The following FMN1 variants were observed in gnomAD, a reference collection of about 807,000 sequenced individuals.
FMN1 encodes the protein formin-1.
FMN1 carries 110 observed loss-of-function variants against 132.4 expected under a neutral mutation model. That is an observed-to-expected ratio of 0.83 (90% confidence interval 0.71 to 0.97). The LOEUF is 0.97. Among genes scored for constraint, FMN1 ranks in the 50% least tolerant of loss-of-function variants. The probability of loss-of-function intolerance (pLI) is 0.00; values close to 1 mark genes in which losing one functional copy is unlikely to be tolerated. For synonymous variants in FMN1, 722 were observed against 651.7 expected (o/e 1.11, Z -1.64); for missense variants, 1,792 against 1,705.3 (o/e 1.05, Z -0.90).
At chr15:32,845,523 A>G (rs1199091913) in intron 17 of FMN1, among the ~76,000 whole-genome samples, 3 of 152,210 alleles carry the variant, frequency 2.0e-5, no homozygotes, top group Non-Finnish European at 2.9e-5. Context: ...GGGACTCAAA[A>G]GAAACCAAGT....
intron 9 of FMN1, among the ~76,000 whole-genome samples, chr15:32,941,677 T>C (rs1050364931): frequency 9.2e-5 from 14 of 152,188 alleles, no homozygotes; most frequent in African/African-American, 3.4e-4. Context: ...AAGAGACTTT[T>C]GGCAGTGAAC....
chr15:32,921,462 T>C (rs1167645866), intron 10 of FMN1, among the ~76,000 whole-genome samples: 1 of 152,190 alleles, frequency 6.6e-6, no homozygotes, highest in Non-Finnish European at 1.5e-5. Context: ...CAGTCTTCCA[T>C]GAACAGTGTG....
intron 5 of FMN1, among the ~76,000 whole-genome samples, chr15:33,082,093 A>ATGTGTG (rs61138142): frequency 0.06 from 7,212 of 120,200 alleles, 233 homozygotes; most frequent in East Asian, 0.099. Context: ...CTGGAAAACA[A>ATGTGTG]TGTGTGTGTG....
At chr15:33,066,425 A>C in intron 5 of FMN1, 2 of 1,107,378 alleles carry the variant, frequency 1.8e-6, no homozygotes, top group South Asian at 3.4e-5. Context: ...CTAACAGGCA[A>C]CTAGGATTCA....
At position 33,030,051 on chromosome 15, in the gene FMN1, G is replaced by A. The variant is rs572738450; in HGVS notation, c.2162-21976C>T. Among the ~76,000 whole-genome samples, 17 of 152,256 alleles carry A rather than the reference G, an allele frequency of 1.1e-4. No homozygotes were observed. The South Asian group carries it at 3.5e-3, about 32-fold the overall frequency. The stretch of plus-strand genomic sequence containing the variant: ...CGGGTACCTGTAGTCCCAGCTACTC[G>A]GGAGGCCGAGGCAGGAGAATGGCGT... On this transcript the variant is annotated intron_variant, in intron 6 of 20. Transcript: ENST00000616417.
chr15:32,820,687 G>T (rs1159232621), intron 17 of FMN1, among the ~76,000 whole-genome samples: 1 of 152,128 alleles, frequency 6.6e-6, no homozygotes, highest in Non-Finnish European at 1.5e-5. Flanking sequence ...ATTTATTTGA[G>T]ACTGTCAGTC....
chr15:33,014,008 A>G (rs574676258), intron 6 of FMN1, among the ~76,000 whole-genome samples: 2 of 145,602 alleles, frequency 1.4e-5, no homozygotes, highest in African/African-American at 5.1e-5. Flanking sequence ...CTAGGAAAGC[A>G]TGATTCATCT....
chr15:32,912,993 A>T (rs11638578), intron 10 of FMN1, among the ~76,000 whole-genome samples: 9,094 of 152,306 alleles, frequency 0.06, 293 homozygotes, highest in Non-Finnish European at 0.078. Context: ...AATGCTTGTT[A>T]ATGCCTTATC....
At chr15:32,825,851 T>A (rs895572464) in intron 17 of FMN1, among the ~76,000 whole-genome samples, 1 of 152,240 alleles carries the variant, frequency 6.6e-6, no homozygotes, top group Non-Finnish European at 1.5e-5. Flanking sequence ...CTCGGCACAA[T>A]ATCTGACACA....
intron 7 of FMN1, among the ~76,000 whole-genome samples, chr15:32,975,774 G>C (rs891020125): frequency 1.1e-4 from 16 of 152,130 alleles, no homozygotes; most frequent in Non-Finnish European, 2.1e-4. Flanking sequence ...CCACCCGGTA[G>C]AAATGAACCA....
intron 4 of FMN1, among the ~76,000 whole-genome samples, chr15:33,121,059 G>A (rs1962505511): frequency 6.6e-6 from 1 of 152,056 alleles, no homozygotes; most frequent in Non-Finnish European, 1.5e-5. Context: ...ATGTAAACTG[G>A]AGAACCTTCC....
At chr15:33,089,768 G>C (rs2038838436) in intron 4 of FMN1, among the ~76,000 whole-genome samples, 1 of 152,178 alleles carries the variant, frequency 6.6e-6, no homozygotes, top group South Asian at 2.1e-4. Flanking sequence ...AAACAATAGA[G>C]GGCCGTGCTT....
rs143025819 is a variant in FMN1 at position 32,908,404 on chromosome 15, G to C, written c.3377+86C>G. The C allele has an allele frequency of 1.9e-3, 1,596 of 857,314 alleles. 19 individuals are homozygous for C. In the African/African-American group the frequency reaches 0.023, roughly 12 times the overall value. 53.1% of individuals were successfully genotyped at this position (857,314 alleles called of 1,614,324 possible). On this transcript the variant is annotated intron_variant, in intron 12 of 20. Transcript: ENST00000616417. ...TGTGATTTAGCTGGCTGCACATTTA[G>C]ATTTGGTTATTCTGAGCTGGGAGAC... is the stretch of plus-strand genomic sequence containing the variant.
chr15:33,007,482 A>G (rs1348299625), intron 7 of FMN1, among the ~76,000 whole-genome samples: 1 of 152,150 alleles, frequency 6.6e-6, no homozygotes. Flanking sequence ...TCCCTCAGTC[A>G]TTCCGGGCTT....
chr15:32,969,405 T>C lies in FMN1; in HGVS notation c.2296A>G (p.Ile766Val), dbSNP rs893332284. The C allele has an allele frequency of 9.3e-6, 15 of 1,613,902 alleles. No homozygotes were observed. The highest frequency in any genetic ancestry group is 2.7e-5 in the African/African-American group (2 of 74,932). ...TCTAGCTCGTGTTTCAGATTTTCAA[T>C]GGTTTCTTCTAGTCTCGCTGTTATC... Reference protein sequence around the residue: ...AMITARLEETIENLKHELEHR... With the variant: ...AMITARLEETVENLKHELEHR... The change falls in exon 8 of 21, where the codon ATT becomes GTT. Residue 766 changes from isoleucine (I) to valine (V), a missense_variant. Around this residue, in one of 3 missense-constraint regions of FMN1, gnomAD observed 1,150 missense variants for 1,043.1 expected, o/e 1.10. Transcript: ENST00000616417.
chr15:33,003,060 T>C (rs1396954103), intron 7 of FMN1, among the ~76,000 whole-genome samples: 1 of 152,190 alleles, frequency 6.6e-6, no homozygotes, highest in East Asian at 1.9e-4. Flanking sequence ...TGATGGGACG[T>C]ATCTCAAAAT....
At chr15:33,045,831 AT>A (rs1392872984) in intron 6 of FMN1, among the ~76,000 whole-genome samples, 2 of 152,222 alleles carry the variant, frequency 1.3e-5, no homozygotes, top group African/African-American at 2.4e-5. Flanking sequence ...AGGAAAAAAA[AT>A]CATTGGCTAA....
At chr15:32,856,769 T>G (rs959013874) in intron 17 of FMN1, among the ~76,000 whole-genome samples, 4 of 152,198 alleles carry the variant, frequency 2.6e-5, no homozygotes, top group African/African-American at 9.6e-5. Flanking sequence ...CCTCAGAGAA[T>G]TTACAAAAGC....
intron 19 of FMN1, among the ~76,000 whole-genome samples, chr15:32,786,894 C>T (rs931374032): frequency 2.6e-5 from 4 of 152,178 alleles, no homozygotes; most frequent in Admixed American, 2.0e-4. Context: ...TGATACTACT[C>T]GAGTCTATAC....
Sources: gnomAD v4.1 joint callset for allele counts (sites outside exome capture counted in the v4.1 genomes callset) on GRCh38, gnomAD v4.1.1 for gene constraint, gnomAD v4.1.1 regional missense constraint, MANE v1.5 for transcripts, NCBI Gene and HGNC (gene_info 2026-07-23, HGNC 2026-07-21) for gene names.